The following MCUB variants were observed in gnomAD, a reference collection of about 807,000 sequenced individuals.
MCUB encodes calcium uniporter regulatory subunit MCUb, mitochondrial.
In MCUB, 46 loss-of-function variants were observed where a neutral mutation model predicts 41.4. The observed-to-expected ratio is 1.11, with a 90% CI of 0.88 to 1.42. MCUB has a LOEUF of 1.42. MCUB is among the 40% of genes most tolerant of loss of function. MCUB has a pLI of 0.00. For synonymous variants in MCUB, 148 were observed against 148.2 expected (o/e 1.00, Z 0.01); for missense variants, 403 against 404.9 (o/e 1.00, Z 0.04).
chr4:109,672,737 T>TA (rs1053713627), intron 4 of MCUB, among the ~76,000 whole-genome samples: 12 of 152,206 alleles, frequency 7.9e-5, no homozygotes, highest in South Asian at 2.1e-4. Context: ...AAATTTCTGT[T>TA]AAAAAAAGTC....
At chr4:109,624,213 A>G (rs552353735) in intron 1 of MCUB, among the ~76,000 whole-genome samples, 13 of 152,306 alleles carry the variant, frequency 8.5e-5, no homozygotes, top group African/African-American at 3.1e-4. Flanking sequence ...TATAGGTGAC[A>G]TGCATTCTTA....
At chr4:109,687,243 T>C (rs913614270) in intron 7 of MCUB, among the ~76,000 whole-genome samples, 2 of 151,896 alleles carry the variant, frequency 1.3e-5, no homozygotes, top group African/African-American at 4.8e-5. Context: ...CCTGTGGTCC[T>C]AGCTACTTGG....
intron 1 of MCUB, among the ~76,000 whole-genome samples, chr4:109,648,869 C>T (rs977559492): frequency 6.6e-6 from 1 of 152,072 alleles, no homozygotes; most frequent in Non-Finnish European, 1.5e-5. Context: ...TACAAAGCAG[C>T]CTAACCCCAA....
At chr4:109,598,003 C>T (rs1482819267) in intron 1 of MCUB, among the ~76,000 whole-genome samples, 3 of 150,220 alleles carry the variant, frequency 2.0e-5, no homozygotes, top group South Asian at 4.3e-4. Flanking sequence ...GATGGGCGGC[C>T]GGGCAGAGAC....
intron 4 of MCUB, among the ~76,000 whole-genome samples, chr4:109,665,500 A>G (rs1729325112): frequency 6.6e-6 from 1 of 152,174 alleles, no homozygotes; most frequent in African/African-American, 2.4e-5. Context: ...ACCAAACTCT[A>G]CCAAAATTCA....
intron 1 of MCUB, among the ~76,000 whole-genome samples, chr4:109,567,372 G>A (rs916313876): frequency 1.3e-5 from 2 of 151,914 alleles, no homozygotes; most frequent in African/African-American, 4.8e-5. Context: ...GCATGGTACT[G>A]TATGTGTTCC....
chr4:109,625,821 G>A (rs184109411), intron 1 of MCUB, among the ~76,000 whole-genome samples: 32 of 152,218 alleles, frequency 2.1e-4, no homozygotes, highest in Admixed American at 1.9e-3. Context: ...GTATCTCATC[G>A]TTCTGAGGAA....
chr4:109,644,248 A>G (rs1057287372), intron 1 of MCUB, among the ~76,000 whole-genome samples: 2 of 152,234 alleles, frequency 1.3e-5, no homozygotes, highest in Non-Finnish European at 2.9e-5. Flanking sequence ...CAAAAACTAT[A>G]TAAAACAAAA....
chr4:109,569,565 G>A (rs1419013588), intron 1 of MCUB, among the ~76,000 whole-genome samples: 1 of 136,524 alleles, frequency 7.3e-6, no homozygotes, highest in Non-Finnish European at 1.5e-5. Flanking sequence ...GTGCAGTGGT[G>A]CGATTTTGGC....
intron 1 of MCUB, among the ~76,000 whole-genome samples, chr4:109,616,866 G>C (rs780989232): frequency 1.3e-5 from 2 of 152,048 alleles, no homozygotes; most frequent in African/African-American, 4.8e-5. Flanking sequence ...TTAAAATTGC[G>C]AATTATATAT....
intron 1 of MCUB, among the ~76,000 whole-genome samples, chr4:109,604,395 A>T (rs184371338): frequency 0.01 from 1,509 of 145,444 alleles, 37 homozygotes; most frequent in South Asian, 0.067. Flanking sequence ...AAAAAAATTT[A>T]AAAAAAAAAA....
chr4:109,667,901 C>T (rs997400500), intron 4 of MCUB, among the ~76,000 whole-genome samples: 3 of 151,490 alleles, frequency 2.0e-5, no homozygotes, highest in African/African-American at 7.3e-5. Flanking sequence ...TCTTCTTTGA[C>T]CCATGTGTTA....
intron 1 of MCUB, among the ~76,000 whole-genome samples, chr4:109,650,609 A>G (rs979726664): frequency 1.7e-4 from 26 of 152,226 alleles, no homozygotes; most frequent in African/African-American, 6.0e-4. Context: ...ATACATTGCA[A>G]ACTTGATGCC....
At chr4:109,687,371 TATATA>T (rs1554021462) in intron 7 of MCUB, 139 bp from the exon 8 acceptor site, 11 of 579,360 alleles carry the variant, frequency 1.9e-5, no homozygotes, top group Middle Eastern at 2.7e-4. Flanking sequence ...GAAAAATATA[TATATA>T]TTTCAGCCAT....
intron 1 of MCUB, among the ~76,000 whole-genome samples, chr4:109,575,705 C>CA (rs1259490459): frequency 2.6e-5 from 4 of 152,168 alleles, no homozygotes; most frequent in African/African-American, 9.7e-5. Context: ...ATGTATCTTT[C>CA]ACACTAAATT....
intron 1 of MCUB, among the ~76,000 whole-genome samples, chr4:109,593,398 A>G (rs576231607): frequency 7.2e-5 from 11 of 152,322 alleles, no homozygotes; most frequent in African/African-American, 2.6e-4. Context: ...GAAAGCACCT[A>G]CTGGAACTTT....
intron 1 of MCUB, among the ~76,000 whole-genome samples, chr4:109,634,373 T>C (rs994222106): frequency 2.0e-5 from 3 of 151,388 alleles, no homozygotes; most frequent in African/African-American, 7.3e-5. Context: ...TCCCAGCTAC[T>C]CAGGAAGGCT....
intron 1 of MCUB, among the ~76,000 whole-genome samples, chr4:109,617,777 A>G (rs1728163475): frequency 6.6e-6 from 1 of 152,206 alleles, no homozygotes; most frequent in South Asian, 2.1e-4. Context: ...TATAGATAAA[A>G]TCTAATTAGG....
chr4:109,560,459 G>C lies in MCUB; in HGVS notation c.99+23G>C, dbSNP rs1198983229. The stretch of plus-strand genomic sequence containing the variant: ...CAGGTAAGAGCGGGTGCCGGGCTGT[G>C]GGGGTTCGGGGTAGGCTGGTGCAAA... On this transcript the variant is annotated intron_variant, in intron 1 of 7. Transcript: ENST00000394650. 5.3e-6 allele frequency: 6 copies of C among 1,134,200 alleles called. No homozygotes were observed. The East Asian group carries it at 1.3e-4, about 24-fold the overall frequency. 70.3% of individuals were successfully genotyped at this position (1,134,200 alleles called of 1,614,324 possible). A position where few individuals can be genotyped will look rare whatever the true frequency, so the allele number is the denominator to read the frequency against.
Sources: allele counts gnomAD v4.1 joint callset (sites outside exome capture counted in the v4.1 genomes callset), GRCh38; gene constraint gnomAD v4.1.1; transcripts MANE v1.5; gene names NCBI Gene and HGNC (gene_info 2026-07-23, HGNC 2026-07-21).